The following ITPR3 variants were observed in gnomAD, a reference collection of about 807,000 sequenced individuals.
The protein encoded by ITPR3 is inositol 1,4,5-trisphosphate-gated calcium channel ITPR3.
A neutral mutation model predicts 293.2 loss-of-function variants in ITPR3; 173 were observed. The observed-to-expected ratio is 0.59, with a 90% CI of 0.52 to 0.67. The LOEUF (loss-of-function observed/expected upper bound fraction) is 0.67, where lower values mean the gene tolerates loss of function less well. ITPR3 is among the 30% of genes least tolerant of loss of function. The pLI is 0.00. For synonymous variants in ITPR3, 1,295 were observed against 1,444.4 expected, an observed-to-expected ratio of 0.90 and a Z score of 2.35; for missense variants, 2,796 against 3,592.1, an observed-to-expected ratio of 0.78 and a Z score of 5.66.
Position 33,663,738 on chromosome 6 carries a change from G to A in ITPR3, c.1006G>A (p.Gly336Arg). ...DASDPKAAGM[G>R]AQGRTGRRNA... ...TACCTGATTTGGGGTCCTCATCCAG[G>A]GGGCACAGGGCCGCACAGGCCGCAG... The change falls in exon 11 of 58, where the codon GGG (glycine) becomes AGG (arginine). Residue 336 changes from glycine to arginine, a missense_variant and splice_region_variant. By Grantham distance (125) the Gly-to-Arg change is moderately radical. This residue lies in a region of ITPR3 where 955 missense variants were observed against 1,180.8 expected (regional missense o/e 0.81). Transcript: ENST00000605930. The A allele has an allele frequency of 1.9e-6, 3 of 1,613,784 alleles. No homozygotes were observed. The highest frequency in any genetic ancestry group is 2.5e-6 in the Non-Finnish European group (3 of 1,179,960).
chr6:33,663,751 G>A lies in ITPR3; in HGVS notation c.1019G>A (p.Arg340His), dbSNP rs773223069. The A allele has an allele frequency of 9.9e-6, 16 of 1,613,822 alleles. No individual in the cohort carries two copies. The highest frequency in any genetic ancestry group is 1.7e-4 in the Middle Eastern group (1 of 6,058). The change falls in exon 11 of 58, where the codon CGC becomes CAC. Residue 340 changes from arginine (R) to histidine (H), a missense_variant. By Grantham distance (29) the Arg-to-His change is conservative (BLOSUM62 0). Coordinates refer to ENST00000605930, the MANE Select transcript of ITPR3 (RefSeq NM_002224.4). Reference protein sequence around the residue: ...PKAAGMGAQGRTGRRNAGEKI... With the variant: ...PKAAGMGAQGHTGRRNAGEKI... ...GTCCTCATCCAGGGGGCACAGGGCCGCACAGGCCGCAGGAATGCTGGGGAG... is the reference window on the plus strand; with the variant it reads ...GTCCTCATCCAGGGGGCACAGGGCCACACAGGCCGCAGGAATGCTGGGGAG...
At position 33,625,354 on chromosome 6, in the gene ITPR3, C is replaced by T. The variant is rs541901213; in HGVS notation, c.89+3663C>T. ...AAGCGATTCTTCTGCCTCAGCCTCC[C>T]GAGTAGCTGGGATTACAGGCATGTG... is the stretch of plus-strand genomic sequence containing the variant. On this transcript the variant is annotated intron_variant, in intron 1 of 57. Transcript: ENST00000605930. Among the ~76,000 whole-genome samples, 5 of 152,230 alleles carry T rather than the reference C, an allele frequency of 3.3e-5. No individual in the cohort carries two copies. The South Asian group carries it at 8.3e-4, about 25-fold the overall frequency.
chr6:33,695,233 C>A, intron 57 of ITPR3, 148 bp downstream of exon 57: 1 of 833,830 alleles, frequency 1.2e-6, no homozygotes. Flanking sequence ...CCACTCTCCC[C>A]TGCATGGCAA....
In ITPR3 at chr6:33,691,625, G is replaced by A. The variant is rs762779797; in HGVS notation, c.7236G>A (p.Leu2412=). The change falls in exon 53 of 58, where the codon CTG becomes CTA. Residue 2412 remains leucine (L), a synonymous_variant. Transcript: ENST00000605930. This position sits in a 1 kb window ranked among gnomAD's most constrained non-coding sequence, Gnocchi z 4.9. ...LPNNHSTASP[L]GMPHGAAAFV... ...CCATATCCCCTCCAGCCAGCCCCCT[G>A]GGGATGCCACATGGAGCTGCTGCAT... The A allele has an allele frequency of 2.5e-6, 4 of 1,613,860 alleles. No homozygotes were observed. The Admixed American group carries it at 5.0e-5, about 20-fold the overall frequency.
In ITPR3 at chr6:33,692,865, G is replaced by C; in HGVS notation, c.7596G>C (p.Glu2532Asp). The C allele has an allele frequency of 6.2e-7, 1 of 1,614,172 alleles. No homozygotes were observed. Among genetic ancestry groups the C allele is most frequent in the Non-Finnish European group, 8.5e-7 (1 of 1,180,034 alleles). The change falls in exon 55 of 58, where the codon GAG becomes GAC. Residue 2532 changes from glutamate to aspartate, a missense_variant. By Grantham distance (45) the Glu-to-Asp change is conservative. Transcript: ENST00000605930. This position sits in a 1 kb window ranked among gnomAD's most constrained non-coding sequence, Gnocchi z 4.2. The stretch of plus-strand genomic sequence containing the variant: ...GTAGTGAGAAGCAGAAGAAGGAGGA[G>C]ATTCTTAAGACGACATGCTTCATCT... ...DLRSEKQKKE[E>D]ILKTTCFICG...
Position 33,682,426 on chromosome 6 carries a change from C to T in ITPR3, c.4477-98C>T. On this transcript the variant is annotated intron_variant, in intron 33 of 57. Transcript: ENST00000605930. The surrounding 1 kb of genome is among the most constrained non-coding windows in gnomAD (Gnocchi z 5.4). ...GGTGGCTAGTGAAGGCTCCGTCTCT[C>T]CACCCATGCCCATTCTGATTGGGCC... 7.3e-7 allele frequency: 1 copy of T among 1,376,114 alleles called. No homozygotes were observed. The highest frequency in any genetic ancestry group is 1.6e-5 in the South Asian group (1 of 60,650). The allele number at this position is 1,376,114 out of a possible 1,614,324, so 85.2% of individuals were successfully genotyped here.
rs751684414 is a variant in ITPR3 at position 33,688,763 on chromosome 6, A to G, written c.6676A>G (p.Met2226Val). Residue 2226 changes from methionine to valine, a missense_variant, in exon 49 of 58, where the codon ATG becomes GTG. Coordinates refer to ENST00000605930, the MANE Select transcript of ITPR3 (RefSeq NM_002224.4). ...CATCATTGCCTTCTTCTACCCTTAC[A>G]TGGAGGGCGCGTCCACAGGTGAGAA... is the stretch of plus-strand genomic sequence containing the variant. The part of the protein sequence containing the change: ...NIIIAFFYPY[M>V]EGASTGVLDS... 12 of 1,613,872 alleles carry G rather than the reference A, an allele frequency of 7.4e-6. No individual in the cohort carries two copies. The highest frequency in any genetic ancestry group is 1.6e-4 in the Middle Eastern group (1 of 6,084).
intron 50 of ITPR3, among the ~76,000 whole-genome samples, chr6:33,689,825 C>T (rs1010114159): frequency 6.6e-6 from 1 of 152,250 alleles, no homozygotes; most frequent in Non-Finnish European, 1.5e-5. Flanking sequence ...TGTCCCCATC[C>T]TCCGTTGCCT....
At chr6:33,678,957 G>A (rs1225679096) in intron 30 of ITPR3, 118 bp downstream of exon 30, 5 of 1,029,880 alleles carry the variant, frequency 4.9e-6, no homozygotes, top group Non-Finnish European at 4.3e-6. Context: ...GGAACACTCA[G>A]CTGCTGACCA....
chr6:33,670,193 A>G lies in ITPR3; in HGVS notation c.2190-132A>G. ...GGTTTTCCGTTCACCTTTCTAACTC[A>G]GAATTGCAGCTGGCGCATCTTTAAC... On this transcript the variant is annotated intron_variant, in intron 18 of 57. Transcript: ENST00000605930. The surrounding 1 kb of genome is among the most constrained non-coding windows in gnomAD (Gnocchi z 6.7). 2 of 931,018 alleles carry G rather than the reference A, an allele frequency of 2.1e-6. No individual in the cohort carries two copies. Among genetic ancestry groups the G allele is most frequent in the African/African-American group, 1.6e-5 (1 of 61,004 alleles). 57.7% of individuals were successfully genotyped at this position (931,018 alleles called of 1,614,324 possible). A position where few individuals can be genotyped will look rare whatever the true frequency, so the allele number is the denominator to read the frequency against.
At chr6:33,685,269 G>A (rs1765194158) in intron 39 of ITPR3, 90 bp from the exon 40 acceptor site, 17 of 1,288,826 alleles carry the variant, frequency 1.3e-5, no homozygotes, top group Middle Eastern at 2.4e-4. Context: ...CAGCCCCAGC[G>A]GCCCCAGCAG....
At chr6:33,648,163 T>C (rs890026683) in intron 2 of ITPR3, among the ~76,000 whole-genome samples, 1 of 150,910 alleles carries the variant, frequency 6.6e-6, no homozygotes, top group Non-Finnish European at 1.5e-5. Flanking sequence ...CCTCCCAGGC[T>C]CAAGCCATCC....
intron 57 of ITPR3, 190 bp from the exon 58 acceptor site, chr6:33,695,522 C>CTAA: frequency 1.6e-6 from 1 of 617,440 alleles, no homozygotes; most frequent in South Asian, 1.9e-5. Flanking sequence ...TTGTGACACG[C>CTAA]TAATTGAGAA....
In ITPR3 at chr6:33,680,339, C is replaced by T; in HGVS notation, c.4235C>T (p.Ala1412Val). 1 of 1,613,404 alleles carries T rather than the reference C, an allele frequency of 6.2e-7. No individual in the cohort carries two copies. Among genetic ancestry groups the T allele is most frequent in the Non-Finnish European group, 8.5e-7 (1 of 1,179,882 alleles). The change falls in exon 32 of 58, where the codon GCC becomes GTC. Residue 1412 changes from alanine (A) to valine (V), a missense_variant. Ala to Val is a moderately conservative substitution (Grantham distance 64). Coordinates refer to ENST00000605930, the MANE Select transcript of ITPR3 (RefSeq NM_002224.4). The stretch of plus-strand genomic sequence containing the variant: ...CCGCCCACTGCCCAGGTGAAAATGG[C>T]CTATGTGAACTTCGTGAACCACTGC... ...HEDCITEVKMAYVNFVNHCYV... is the reference protein window; with the variant it reads ...HEDCITEVKMVYVNFVNHCYV...
At position 33,687,994 on chromosome 6, in the gene ITPR3, G is replaced by C; in HGVS notation, c.6265-63G>C. 1 of 1,339,890 alleles carries C rather than the reference G, an allele frequency of 7.5e-7. No individual in the cohort carries two copies. The highest frequency in any genetic ancestry group is 1.3e-5 in the South Asian group (1 of 77,804). The allele number at this position is 1,339,890 out of a possible 1,614,324, so 83.0% of individuals were successfully genotyped here. On this transcript the variant is annotated intron_variant, in intron 46 of 57. Transcript: ENST00000605930. The surrounding 1 kb of genome is among the most constrained non-coding windows in gnomAD (Gnocchi z 5.3). ...GCTAGGCGAAGGCCTGGGAGGGTGG[G>C]GGCTGAGTGCCAGCCTGGATGTGGA...
intron 1 of ITPR3, 135 bp from the exon 2 acceptor site, chr6:33,640,349 G>T (rs1252187499): frequency 3.9e-6 from 3 of 762,186 alleles, no homozygotes; most frequent in Non-Finnish European, 6.2e-6. Context: ...ATGACTTGAT[G>T]GTGGGGAGCT....
intron 1 of ITPR3, among the ~76,000 whole-genome samples, chr6:33,623,727 C>T (rs1763494021): frequency 6.6e-6 from 1 of 152,188 alleles, no homozygotes; most frequent in Non-Finnish European, 1.5e-5. Flanking sequence ...TCCAAAACTT[C>T]CTCCCAGCTT....
chr6:33,659,606 GC>G, intron 7 of ITPR3, 57 bp downstream of exon 7: 1 of 1,454,928 alleles, frequency 6.9e-7, no homozygotes, highest in Non-Finnish European at 9.6e-7. Context: ...CCCCACCAGG[GC>G]CCTCTTCCTG....
In ITPR3 at chr6:33,662,534, G is replaced by A. The variant is rs958576773; in HGVS notation, c.718G>A (p.Val240Met). ...CACACCCTGCTGCCTGCAGGGAGAC[G>A]TGGTGCGGCTGTTCCATGCGGAGCA... ...HLEEVLKGGD[V>M]VRLFHAEQEK... Residue 240 changes from valine (V) to methionine (M), a missense_variant, in exon 8 of 58, where the codon GTG becomes ATG. Val to Met is a conservative substitution (Grantham distance 21). This residue lies in a region of ITPR3 where 144 missense variants were observed against 230.8 expected (regional missense o/e 0.62). Transcript: ENST00000605930. The A allele has an allele frequency of 1.9e-6, 3 of 1,594,322 alleles. No individual in the cohort carries two copies. The highest frequency in any genetic ancestry group is 2.6e-6 in the Non-Finnish European group (3 of 1,172,322).
Sources: gnomAD v4.1 joint callset for allele counts (sites outside exome capture counted in the v4.1 genomes callset) on GRCh38, gnomAD v4.1.1 for gene constraint, gnomAD v4.1.1 regional missense constraint, Gnocchi (gnomAD v3.1) non-coding constraint, MANE v1.5 for transcripts, NCBI Gene and HGNC (gene_info 2026-07-23, HGNC 2026-07-21) for gene names.